CDH18: variants seen among roughly 807,000 people sequenced by gnomAD.
CDH18 encodes cadherin-18.
Under a neutral mutation model 67.9 loss-of-function variants are expected in CDH18, and 31 were observed. The ratio of observed to expected loss-of-function variants is 0.46; its 90% confidence interval spans 0.34 to 0.62. The LOEUF (loss-of-function observed/expected upper bound fraction) is 0.62, where lower values mean the gene tolerates loss of function less well. Among genes scored for constraint, CDH18 ranks in the 20% least tolerant of loss-of-function variants. The pLI, the probability that CDH18 is intolerant of heterozygous loss-of-function variation, is 0.01. For synonymous variants in CDH18, 362 were observed against 347.2 expected, an observed-to-expected ratio of 1.04 and a Z score of -0.48; for missense variants, 890 against 975.5, an observed-to-expected ratio of 0.91 and a Z score of 1.17.
intron 11 of CDH18, among the ~76,000 whole-genome samples, chr5:19,498,501 T>G (rs1411461576): frequency 6.6e-6 from 1 of 152,178 alleles, no homozygotes; most frequent in Non-Finnish European, 1.5e-5. Flanking sequence ...TGCACTTCCT[T>G]GCTCACAATC....
At chr5:19,680,486 C>A (rs1307687933) in intron 5 of CDH18, among the ~76,000 whole-genome samples, 1 of 151,814 alleles carries the variant, frequency 6.6e-6, no homozygotes, top group Non-Finnish European at 1.5e-5. Context: ...AGTAAACATA[C>A]AACTTATATA....
chr5:20,196,072 A>G (rs1738949726), intron 2 of CDH18, among the ~76,000 whole-genome samples: 1 of 152,150 alleles, frequency 6.6e-6, no homozygotes, highest in South Asian at 2.1e-4. Flanking sequence ...TTCTAAGTCA[A>G]TGACTGACAG....
At chr5:20,198,602 T>C (rs1407173832) in intron 2 of CDH18, among the ~76,000 whole-genome samples, 1 of 151,718 alleles carries the variant, frequency 6.6e-6, no homozygotes, top group Non-Finnish European at 1.5e-5. Flanking sequence ...AAGAAACCCA[T>C]TTTTTTAAGA....
At chr5:19,937,187 G>C (rs13172152) in intron 2 of CDH18, among the ~76,000 whole-genome samples, 1 of 150,908 alleles carries the variant, frequency 6.6e-6, no homozygotes, top group Non-Finnish European at 1.5e-5. Context: ...AGGTGGGAAG[G>C]GTCTTTTGTA....
chr5:19,588,742 T>C (rs994302201), intron 7 of CDH18, among the ~76,000 whole-genome samples: 3 of 151,840 alleles, frequency 2.0e-5, no homozygotes, highest in Non-Finnish European at 4.4e-5. Context: ...AAAGCAGGGG[T>C]TGCAATCCTA....
At chr5:19,576,595 C>A (rs1365001006) in intron 7 of CDH18, among the ~76,000 whole-genome samples, 2 of 152,084 alleles carry the variant, frequency 1.3e-5, no homozygotes, top group Non-Finnish European at 2.9e-5. Flanking sequence ...TGAACGATAA[C>A]AAGTATTGGC....
Position 20,087,981 on chromosome 5 carries a change from C to T in CDH18, c.-517-95967G>A, listed in dbSNP as rs59327001. Among the ~76,000 whole-genome samples the T allele has an allele frequency of 4.8e-3, 730 of 152,222 alleles. 7 individuals are homozygous for T. The highest frequency in any genetic ancestry group is 0.017 in the African/African-American group (693 of 41,528). On this transcript the variant is annotated intron_variant, in intron 2 of 14. Coordinates refer to the CDH18 transcript ENST00000507958. The stretch of plus-strand genomic sequence containing the variant: ...AAAGATATATGTATATAATCTGCCA[C>T]AATAACCCAGTGAATTCTGCATTTG...
Position 20,329,101 on chromosome 5 carries a change from C to A in CDH18, c.-579-73596G>T, listed in dbSNP as rs1235638346. ...GCATGAACTGTTTTAATATCCAACT[C>A]CCCAAAACAAAGGAGCTAATAGCTA... On this transcript the variant is annotated intron_variant, in intron 1 of 14. Transcript: ENST00000507958. Among the ~76,000 whole-genome samples, 3 of 152,274 alleles carry A rather than the reference C, an allele frequency of 2.0e-5. No individual in the cohort carries two copies. The East Asian group carries it at 5.8e-4, about 29-fold the overall frequency.
At position 20,008,942 on chromosome 5, in the gene CDH18, G is replaced by C. The variant is rs138743046; in HGVS notation, c.-517-16928C>G. On this transcript the variant is annotated intron_variant, in intron 2 of 14. Transcript: ENST00000507958. The stretch of plus-strand genomic sequence containing the variant: ...AGCTCCTATCTAATGAGAGACGTTA[G>C]TCAAGAGGAATAGAATCATTTCCTC... Among the ~76,000 whole-genome samples the C allele has an allele frequency of 5.0e-4, 76 of 152,212 alleles. 3 individuals are homozygous for C. In the East Asian group the frequency reaches 0.014, roughly 28 times the overall value.
chr5:19,569,148 C>G (rs1051408613), intron 8 of CDH18, among the ~76,000 whole-genome samples: 8 of 152,116 alleles, frequency 5.3e-5, no homozygotes, highest in Admixed American at 2.0e-4. Context: ...GCATTGCTGC[C>G]AGGATTAATT....
intron 1 of CDH18, among the ~76,000 whole-genome samples, chr5:20,531,149 C>G (rs1238908988): frequency 6.6e-6 from 1 of 152,026 alleles, no homozygotes; most frequent in East Asian, 1.9e-4. Context: ...AGCTCAACAC[C>G]ACTGATAATT....
At chr5:19,576,451 T>C (rs761637322) in intron 7 of CDH18, among the ~76,000 whole-genome samples, 11 of 152,052 alleles carry the variant, frequency 7.2e-5, no homozygotes, top group African/African-American at 2.2e-4. Flanking sequence ...TAGATATTTC[T>C]CAAAAAATGA....
chr5:19,628,912 ATCAT>A (rs1456543881), intron 5 of CDH18, among the ~76,000 whole-genome samples: 1 of 151,380 alleles, frequency 6.6e-6, no homozygotes, highest in Admixed American at 6.6e-5. Context: ...ATGCCCACTG[ATCAT>A]TCAGAAAGAA....
intron 2 of CDH18, among the ~76,000 whole-genome samples, chr5:19,993,258 T>C (rs1800081785): frequency 6.6e-6 from 1 of 152,112 alleles, no homozygotes; most frequent in Admixed American, 6.6e-5. Context: ...GTGAATATGA[T>C]TTAGATATTT....
intron 8 of CDH18, among the ~76,000 whole-genome samples, chr5:19,563,598 AC>A (rs1739836034): frequency 6.6e-6 from 1 of 152,222 alleles, no homozygotes; most frequent in African/African-American, 2.4e-5. Flanking sequence ...GAAAGGCTTC[AC>A]TGCTGGTAAA....
In CDH18 at chr5:19,973,668, C is replaced by G. The variant is rs150866422; in HGVS notation, c.-257+7392G>C. On this transcript the variant is annotated intron_variant, in intron 2 of 12. Transcript: ENST00000382275. ...AATAGGATGAGAAGAGCATGAAGGA[C>G]AAGAAGCTTACCATAAAAAATATGA... Among the ~76,000 whole-genome samples the G allele has an allele frequency of 6.0e-3, 919 of 152,134 alleles. 4 individuals are homozygous for G. Among genetic ancestry groups the G allele is most frequent in the Middle Eastern group, 0.01 (3 of 294 alleles).
intron 2 of CDH18, among the ~76,000 whole-genome samples, chr5:20,167,450 T>C (rs1225886809): frequency 6.6e-6 from 1 of 151,958 alleles, no homozygotes; most frequent in Non-Finnish European, 1.5e-5. Context: ...CAGTCCCATC[T>C]ATTTTTAAAA....
intron 2 of CDH18, among the ~76,000 whole-genome samples, chr5:20,121,227 T>C (rs1433129540): frequency 6.6e-6 from 1 of 152,160 alleles, no homozygotes; most frequent in Non-Finnish European, 1.5e-5. Flanking sequence ...CAAAAAGCAG[T>C]TATTTGCAAG....
chr5:20,562,543 T>C (rs1462412495), intron 1 of CDH18, among the ~76,000 whole-genome samples: 1 of 151,662 alleles, frequency 6.6e-6, no homozygotes, highest in Non-Finnish European at 1.5e-5. Flanking sequence ...GCATTTAGTA[T>C]TATGATGTTA....
Sources: gnomAD v4.1 joint callset for allele counts (sites outside exome capture counted in the v4.1 genomes callset) on GRCh38, gnomAD v4.1.1 for gene constraint, MANE v1.5 for transcripts, NCBI Gene and HGNC (gene_info 2026-07-23, HGNC 2026-07-21) for gene names.